CEP126: variants seen among roughly 807,000 people sequenced by gnomAD.
CEP126 encodes the protein centrosomal protein of 126 kDa.
In CEP126, 74 loss-of-function variants were observed where a neutral mutation model predicts 107.8. The ratio of observed to expected loss-of-function variants is 0.69; its 90% CI spans 0.57 to 0.83. The LOEUF (loss-of-function observed/expected upper bound fraction) is 0.83, where lower values mean the gene tolerates loss of function less well. Ranked by LOEUF, CEP126 falls within the 40% of genes least tolerant of loss-of-function variation. CEP126 has a pLI of 0.00. For synonymous variants in CEP126, 449 were observed against 446.0 expected, an observed-to-expected ratio of 1.01 and a Z score of -0.08; for missense variants, 1,237 against 1,281.9, an observed-to-expected ratio of 0.96 and a Z score of 0.53.
intron 2 of CEP126, among the ~76,000 whole-genome samples, chr11:101,939,351 C>T (rs1358367796): frequency 2.0e-5 from 3 of 152,076 alleles, no homozygotes; most frequent in Non-Finnish European, 4.4e-5. Context: ...AGTAATACTC[C>T]ATTTCTTAAA....
chr11:101,919,454 T>G (rs1347729712), intron 1 of CEP126, among the ~76,000 whole-genome samples: 1 of 152,162 alleles, frequency 6.6e-6, no homozygotes, highest in Admixed American at 6.5e-5. Flanking sequence ...TTTTTTAATG[T>G]TAAGTATATA....
At chr11:101,954,706 G>A (rs1940861658) in intron 4 of CEP126, among the ~76,000 whole-genome samples, 1 of 151,904 alleles carries the variant, frequency 6.6e-6, no homozygotes, top group African/African-American at 2.4e-5. Flanking sequence ...AATGTATAGT[G>A]AGAACACTAT....
chr11:101,964,727 C>G (rs1941039922), intron 6 of CEP126, among the ~76,000 whole-genome samples: 1 of 151,848 alleles, frequency 6.6e-6, no homozygotes, highest in African/African-American at 2.4e-5. Flanking sequence ...AAATTAGAAA[C>G]TTTTGCCAGC....
At chr11:101,967,035 T>A (rs929402557) in intron 6 of CEP126, among the ~76,000 whole-genome samples, 4 of 148,358 alleles carry the variant, frequency 2.7e-5, no homozygotes, top group Non-Finnish European at 6.0e-5. Context: ...CTTTTTTTTT[T>A]TTTTTTTTTT....
intron 2 of CEP126, among the ~76,000 whole-genome samples, chr11:101,937,609 C>T (rs1335588959): frequency 2.6e-5 from 4 of 151,988 alleles, no homozygotes; most frequent in East Asian, 1.9e-4. Context: ...AATGTGTTGT[C>T]GGGTTTTGGA....
Position 101,915,293 on chromosome 11 carries a change from G to T in CEP126, c.9G>T (p.Ala3=). ...CGGCGCTGAAGTGAAGGATGCTGGC[G>T]GGGAGGCCCGGAACCCGGAGCGCGG... ML[A]GRPGTRSAVG... Residue 3 remains alanine (A), a synonymous_variant, in exon 1 of 11, where the codon GCG becomes GCT. Coordinates refer to ENST00000263468, the MANE Select transcript of CEP126 (RefSeq NM_020802.4). 1 of 1,613,596 alleles carries T rather than the reference G, an allele frequency of 6.2e-7. No homozygotes were observed.
chr11:101,958,797 A>G (rs914446788), intron 5 of CEP126, among the ~76,000 whole-genome samples: 2 of 152,208 alleles, frequency 1.3e-5, no homozygotes, highest in Non-Finnish European at 2.9e-5. Context: ...ATGCACATTT[A>G]TGAGATTTTT....
At chr11:101,936,404 A>G (rs571767033) in intron 2 of CEP126, among the ~76,000 whole-genome samples, 3 of 151,580 alleles carry the variant, frequency 2.0e-5, no homozygotes, top group Middle Eastern at 3.4e-3. Context: ...TGATTTTTCT[A>G]TATTGACCTT....
chr11:101,995,243 T>G (rs538277662), intron 10 of CEP126, among the ~76,000 whole-genome samples: 1 of 152,278 alleles, frequency 6.6e-6, no homozygotes, highest in East Asian at 1.9e-4. Flanking sequence ...CCTACAGATC[T>G]TGGTAAATAC....
chr11:101,930,597 G>A (rs1940484021), intron 2 of CEP126, among the ~76,000 whole-genome samples: 1 of 152,188 alleles, frequency 6.6e-6, no homozygotes, highest in Admixed American at 6.5e-5. Flanking sequence ...TGCCCCTGCT[G>A]GCTCTGGTGG....
chr11:101,932,659 C>A (rs1333255430), intron 2 of CEP126, among the ~76,000 whole-genome samples: 1 of 151,988 alleles, frequency 6.6e-6, no homozygotes, highest in Non-Finnish European at 1.5e-5. Context: ...CTTTTTTTCC[C>A]CATTTTTAAA....
Position 101,962,600 on chromosome 11 carries a change from T to C in CEP126, c.1565T>C (p.Phe522Ser). The change falls in exon 6 of 11, where the codon TTT becomes TCT. Residue 522 changes from phenylalanine to serine, a missense_variant. Coordinates refer to ENST00000263468, the MANE Select transcript of CEP126 (RefSeq NM_020802.4). ...GAGTTGCCTTTATTTTCAGACAGTTTTCAAGATGCCTATATACCTCACAAT... is the reference window on the plus strand; with the variant it reads ...GAGTTGCCTTTATTTTCAGACAGTTCTCAAGATGCCTATATACCTCACAAT... ...KEELPLFSDSFQDAYIPHNPD... is the reference protein window; with the variant it reads ...KEELPLFSDSSQDAYIPHNPD... 6.2e-7 allele frequency: 1 copy of C among 1,613,716 alleles called. No homozygotes were observed. The highest frequency in any genetic ancestry group is 8.5e-7 in the Non-Finnish European group (1 of 1,179,864).
chr11:101,946,543 G>A (rs1489252556), intron 3 of CEP126, among the ~76,000 whole-genome samples: 1 of 151,572 alleles, frequency 6.6e-6, no homozygotes, highest in East Asian at 1.9e-4. Flanking sequence ...TAATCAGTAG[G>A]ATTCAGTTAC....
intron 6 of CEP126, among the ~76,000 whole-genome samples, chr11:101,972,079 G>T (rs902129542): frequency 6.6e-6 from 1 of 151,720 alleles, no homozygotes; most frequent in Non-Finnish European, 1.5e-5. Context: ...CTGCACTCCA[G>T]CCTGGGCAAT....
chr11:101,934,351 A>G (rs537870399), intron 2 of CEP126, among the ~76,000 whole-genome samples: 74 of 152,114 alleles, frequency 4.9e-4, no homozygotes, highest in African/African-American at 1.7e-3. Context: ...CATCACCTCA[A>G]CTATTTACAG....
intron 2 of CEP126, among the ~76,000 whole-genome samples, chr11:101,937,363 T>C (rs867638609): frequency 1.3e-5 from 2 of 152,182 alleles, no homozygotes; most frequent in African/African-American, 4.8e-5. Flanking sequence ...AAAAATAACG[T>C]GTTCAAGGTA....
chr11:101,965,832 A>C (rs997535594), intron 6 of CEP126, among the ~76,000 whole-genome samples: 1 of 152,190 alleles, frequency 6.6e-6, no homozygotes, highest in African/African-American at 2.4e-5. Flanking sequence ...AAATAGCAGA[A>C]TTGGTATTTT....
At position 101,945,294 on chromosome 11, in the gene CEP126, G is replaced by A. The variant is rs758583534; in HGVS notation, c.394+884G>A. Among the ~76,000 whole-genome samples, 5 of 152,140 alleles carry A rather than the reference G, an allele frequency of 3.3e-5. No homozygotes were observed. In the South Asian group the frequency reaches 6.2e-4, roughly 19 times the overall value. On this transcript the variant is annotated intron_variant, in intron 3 of 10. Transcript: ENST00000263468. ...CAGAAAATAAAAGGACATCCCAGGC[G>A]AAAGAACAGCTTGTACAAATAAATT...
In CEP126 at chr11:101,981,921, T is replaced by C. The variant is rs773296505; in HGVS notation, c.2991T>C (p.Ser997=). ...NFGQSVLLSS[S]EPKQTTRGTS... ...GACAAAGTGTCCTGCTAAGTTCAAG[T>C]GAGCCAAAACAAACTACAAGGGGTA... Residue 997 remains serine (S), a synonymous_variant, in exon 8 of 11, where the codon AGT becomes AGC. Transcript: ENST00000263468. The C allele has an allele frequency of 3.7e-5, 59 of 1,593,470 alleles. 1 individual carries two copies. The South Asian group carries it at 6.1e-4, about 17-fold the overall frequency.
Sources: gnomAD v4.1 joint callset for allele counts (sites outside exome capture counted in the v4.1 genomes callset) on GRCh38, gnomAD v4.1.1 for gene constraint, MANE v1.5 for transcripts, NCBI Gene and HGNC (gene_info 2026-07-23, HGNC 2026-07-21) for gene names.